The following LBP variants were observed in gnomAD, a reference collection of about 807,000 sequenced individuals.
LBP encodes lipopolysaccharide-binding protein.
Under a neutral mutation model 56.6 loss-of-function variants are expected in LBP, and 53 were observed. The ratio of observed to expected loss-of-function variants is 0.94; its 90% confidence interval spans 0.75 to 1.18. The LOEUF (loss-of-function observed/expected upper bound fraction) is 1.18, where lower values mean the gene tolerates loss of function less well. Ranked by LOEUF, LBP falls within the 50% of genes most tolerant of loss-of-function variation. LBP has a pLI of 0.00. For synonymous variants in LBP, 227 were observed against 247.5 expected (o/e 0.92, Z 0.78); for missense variants, 601 against 598.3 (o/e 1.00, Z -0.05).
At chr20:38,372,474 T>C (rs929243305) in intron 12 of LBP, among the ~76,000 whole-genome samples, 1 of 152,204 alleles carries the variant, frequency 6.6e-6, no homozygotes, top group Non-Finnish European at 1.5e-5. Flanking sequence ...AAATCCATCC[T>C]GTCGGGTTTT....
At chr20:38,352,637 C>G (rs562257961) in intron 3 of LBP, among the ~76,000 whole-genome samples, 1 of 152,246 alleles carries the variant, frequency 6.6e-6, no homozygotes, top group South Asian at 2.1e-4. Flanking sequence ...TGCCTGTAAT[C>G]TCAGCTACTT....
chr20:38,373,161 A>G, intron 13 of LBP, 26 bp downstream of exon 13: 1 of 1,592,990 alleles, frequency 6.3e-7, no homozygotes, highest in Non-Finnish European at 8.6e-7. Context: ...GATTTTTCCA[A>G]GTCAAAAGTG....
At chr20:38,374,334 C>T (rs567856094) in intron 14 of LBP, among the ~76,000 whole-genome samples, 3 of 152,284 alleles carry the variant, frequency 2.0e-5, no homozygotes, top group African/African-American at 7.2e-5. Context: ...TGCAGTGGCT[C>T]ACGCCTGTAA....
At chr20:38,362,656 T>C (rs2076865287) in intron 6 of LBP, among the ~76,000 whole-genome samples, 1 of 149,960 alleles carries the variant, frequency 6.7e-6, no homozygotes, top group South Asian at 2.1e-4. Context: ...CAAAATAAAA[T>C]ATGAGGTCAG....
chr20:38,362,053 C>CTTTTTTTTTTTTTTTTTT (rs1229689650), intron 6 of LBP, among the ~76,000 whole-genome samples: 16 of 117,630 alleles, frequency 1.4e-4, no homozygotes, highest in East Asian at 2.5e-4. Flanking sequence ...TTTTTGTTTT[C>CTTTTTTTTTTTTTTTTTT]TTTTTTTTTT....
At position 38,358,345 on chromosome 20, in the gene LBP, G is replaced by C. The variant is rs141388329; in HGVS notation, c.589-2359G>C. On this transcript the variant is annotated intron_variant, in intron 5 of 14. Coordinates refer to ENST00000217407, the MANE Select transcript of LBP (RefSeq NM_004139.5). Reference sequence around the variant, plus strand: ...TGCACCCCTAACCACTACCCCAGTCGCATCCTCAGGAGGCCCTGCTGTGTG... The same window carrying C: ...TGCACCCCTAACCACTACCCCAGTCCCATCCTCAGGAGGCCCTGCTGTGTG... Among the ~76,000 whole-genome samples, 3 of 152,200 alleles carry C rather than the reference G, an allele frequency of 2.0e-5. No homozygotes were observed. In the East Asian group the frequency reaches 5.8e-4, roughly 29 times the overall value.
chr20:38,376,750 TTGAAGAA>T lies in LBP; in HGVS notation c.*88_*94del. 7.2e-7 allele frequency: 1 copy of T among 1,383,270 alleles called. No individual in the cohort carries two copies. Among genetic ancestry groups the T allele is most frequent in the Non-Finnish European group, 1.0e-6 (1 of 973,246 alleles). The allele number at this position is 1,383,270 out of a possible 1,614,324, so 85.7% of individuals were successfully genotyped here. On this transcript the variant is annotated 3_prime_UTR_variant, in exon 15 of 15. Transcript: ENST00000217407. Reference sequence around the variant, plus strand: ...GCTGTGCAGCACGTCTCAGAGATTCTTGAAGAATGAAGACATTTCTGCTCTCAGCTCC... The same window carrying T: ...GCTGTGCAGCACGTCTCAGAGATTCTTGAAGACATTTCTGCTCTCAGCTCC...
intron 9 of LBP, 21 bp downstream of exon 9, chr20:38,366,849 C>G (rs1334374142): frequency 6.2e-7 from 1 of 1,608,626 alleles, no homozygotes; most frequent in Non-Finnish European, 8.5e-7. Context: ...CCTTAGTTCC[C>G]CATGAGTGCA....
At chr20:38,362,411 G>C (rs1373246667) in intron 6 of LBP, among the ~76,000 whole-genome samples, 1 of 144,408 alleles carries the variant, frequency 6.9e-6, no homozygotes, top group Non-Finnish European at 1.5e-5. Context: ...TCAGGAGTTC[G>C]AGACCAGCCC....
At position 38,348,317 on chromosome 20, in the gene LBP, A is replaced by T. The variant is rs987875231; in HGVS notation, c.125-1231A>T. 1.0e-4 allele frequency among the ~76,000 whole-genome samples: 15 copies of T among 143,918 alleles called. No individual in the cohort carries two copies. In the South Asian group the frequency reaches 3.1e-3, roughly 30 times the overall value. The allele number at this position is 143,918 out of a possible 152,430, so 94.4% of individuals were successfully genotyped here. A position where few individuals can be genotyped will look rare whatever the true frequency, so the allele number is the denominator to read the frequency against. ...GGTTGGACATTTTGGTCCTTTCCAT[A>T]TTTTTTTTTTTTTTGAAACGGAGTC... is the stretch of plus-strand genomic sequence containing the variant. On this transcript the variant is annotated intron_variant, in intron 1 of 14. Transcript: ENST00000217407.
At chr20:38,348,317 A>ATT (rs766381612) in intron 1 of LBP, among the ~76,000 whole-genome samples, 2 of 143,876 alleles carry the variant, frequency 1.4e-5, no homozygotes, top group African/African-American at 5.1e-5. Flanking sequence ...TCCTTTCCAT[A>ATT]TTTTTTTTTT....
intron 9 of LBP, among the ~76,000 whole-genome samples, chr20:38,368,370 C>T (rs971052462): frequency 5.3e-5 from 8 of 152,016 alleles, no homozygotes; most frequent in African/African-American, 1.2e-4. Context: ...GAGGCTGAGG[C>T]GGGCAGATCA....
rs554167043 is a variant in LBP, at chr20:38,354,459, C to G, written c.524+20C>G. 69 of 1,595,190 alleles carry G rather than the reference C, an allele frequency of 4.3e-5. No homozygotes were observed. In the South Asian group the frequency reaches 7.3e-4, roughly 17 times the overall value. ...CTTGGGGTAGGTCTCCATCGGGGCA[C>G]TGCCAGCTGGACTCCTGGTTGCAGC... On this transcript the variant is annotated intron_variant, in intron 4 of 14. Transcript: ENST00000217407.
At chr20:38,348,603 C>T in intron 1 of LBP, among the ~76,000 whole-genome samples, 1 of 151,210 alleles carries the variant, frequency 6.6e-6, no homozygotes, top group East Asian at 2.0e-4. Flanking sequence ...CGACCCCTTT[C>T]CATATTTTTA....
intron 12 of LBP, 47 bp downstream of exon 12, chr20:38,371,369 G>A (rs755525816): frequency 4.9e-6 from 7 of 1,421,756 alleles, no homozygotes; most frequent in South Asian, 2.4e-5. Flanking sequence ...AATTAATTTG[G>A]GGTGTTTCCT....
At chr20:38,370,136 G>A (rs921657353) in intron 10 of LBP, among the ~76,000 whole-genome samples, 1 of 152,102 alleles carries the variant, frequency 6.6e-6, no homozygotes, top group Non-Finnish European at 1.5e-5. Context: ...CACTTTGGGA[G>A]GTCAAGGCAG....
chr20:38,358,458 G>A (rs1356951368), intron 5 of LBP, among the ~76,000 whole-genome samples: 1 of 152,146 alleles, frequency 6.6e-6, no homozygotes, highest in African/African-American at 2.4e-5. Context: ...TTTTGGGATG[G>A]TCTGATGGGC....
At chr20:38,361,043 T>G (rs2076858415) in intron 6 of LBP, among the ~76,000 whole-genome samples, 1 of 151,632 alleles carries the variant, frequency 6.6e-6, no homozygotes. Context: ...ATGCCTGTAA[T>G]CCCAGCTACT....
intron 6 of LBP, 117 bp from the exon 7 acceptor site, chr20:38,363,858 T>C: frequency 1.4e-6 from 1 of 727,204 alleles, no homozygotes; most frequent in South Asian, 1.6e-5. Flanking sequence ...AGGGCCGGGC[T>C]AGTAGGGGGA....
Sources: gnomAD v4.1 joint callset for allele counts (sites outside exome capture counted in the v4.1 genomes callset) on GRCh38, gnomAD v4.1.1 for gene constraint, MANE v1.5 for transcripts, NCBI Gene and HGNC (gene_info 2026-07-23, HGNC 2026-07-21) for gene names.